The following DPP8 variants were observed in gnomAD, a reference collection of about 807,000 sequenced individuals.
The protein encoded by DPP8 is dipeptidyl peptidase 8.
Under a neutral mutation model 107.5 loss-of-function variants are expected in DPP8, and 31 were observed. The observed-to-expected ratio is 0.29, with a 90% CI of 0.22 to 0.39. The LOEUF is 0.39. Among genes scored for constraint, DPP8 ranks in the 10% least tolerant of loss-of-function variants. The pLI is 1.00. For missense variants in DPP8, 842 were observed against 1,076.1 expected (o/e 0.78, Z 3.04); for synonymous variants, 381 against 356.6 (o/e 1.07, Z -0.77).
At position 65,451,121 on chromosome 15, in the gene DPP8, G is replaced by A; in HGVS notation, c.2415-11C>T. On this transcript the variant is annotated splice_polypyrimidine_tract_variant and intron_variant, in intron 18 of 19. Transcript: ENST00000300141. Reference sequence around the variant, plus strand: ...AGTAAACGATTTGGTCTGGAGAAATGGAAATATTAGAGGATTAGGCAAAAT... The same window carrying A: ...AGTAAACGATTTGGTCTGGAGAAATAGAAATATTAGAGGATTAGGCAAAAT... 1.3e-6 allele frequency: 2 copies of A among 1,546,168 alleles called. No individual in the cohort carries two copies. The highest frequency in any genetic ancestry group is 1.8e-6 in the Non-Finnish European group (2 of 1,120,354).
At chr15:65,476,038 C>T (rs1015283609) in intron 11 of DPP8, among the ~76,000 whole-genome samples, 4 of 152,216 alleles carry the variant, frequency 2.6e-5, no homozygotes, top group Non-Finnish European at 5.9e-5. Context: ...AGGCGTGGGC[C>T]ACCTCACCCA....
chr15:65,502,162 TACAGGTGTGAGCC>T (rs555431758), intron 3 of DPP8, among the ~76,000 whole-genome samples: 50 of 152,310 alleles, frequency 3.3e-4, no homozygotes, highest in African/African-American at 1.2e-3. Context: ...GCATTGGGAT[TACAGGTGTGAGCC>T]ACCAAGCCTG....
At position 65,446,842 on chromosome 15, in the gene DPP8, T is replaced by G; in HGVS notation, c.*42A>C. ...TGTTGATTAAACCTCCTCATTTGGT[T>G]AAATAGCCAGTGTATACCAGAGAGT... On this transcript the variant is annotated 3_prime_UTR_variant, in exon 20 of 20. Transcript: ENST00000300141. The G allele has an allele frequency of 6.5e-7, 1 of 1,550,290 alleles. No homozygotes were observed.
rs2070149933 is a variant in DPP8 at position 65,507,233 on chromosome 15, T to C, written c.372+10A>G. The C allele has an allele frequency of 6.6e-7, 1 of 1,519,936 alleles. No individual in the cohort carries two copies. Among genetic ancestry groups the C allele is most frequent in the Non-Finnish European group, 9.1e-7 (1 of 1,100,694 alleles). The allele number at this position is 1,519,936 out of a possible 1,614,324, so 94.2% of individuals were successfully genotyped here. ...CACCAAATCATAGGAATAACAACATTTAATCCTACCTGAAAAAGATCCAAA... is the reference window on the plus strand; with the variant it reads ...CACCAAATCATAGGAATAACAACATCTAATCCTACCTGAAAAAGATCCAAA... On this transcript the variant is annotated intron_variant, in intron 3 of 19. Coordinates refer to ENST00000300141, the MANE Select transcript of DPP8 (RefSeq NM_130434.5).
intron 5 of DPP8, among the ~76,000 whole-genome samples, chr15:65,497,454 A>C (rs2068725733): frequency 6.6e-6 from 1 of 151,810 alleles, no homozygotes; most frequent in African/African-American, 2.4e-5. Context: ...AGGTGTCACC[A>C]TGTTGCCCAT....
intron 10 of DPP8, among the ~76,000 whole-genome samples, chr15:65,479,646 C>T (rs955640288): frequency 5.9e-5 from 9 of 151,614 alleles, no homozygotes; most frequent in Non-Finnish European, 8.8e-5. Context: ...AGATCGAGAC[C>T]ATCCTGGCTA....
intron 10 of DPP8, among the ~76,000 whole-genome samples, chr15:65,479,824 C>T (rs899846152): frequency 1.5e-5 from 2 of 134,444 alleles, no homozygotes; most frequent in African/African-American, 2.9e-5. Flanking sequence ...ACAGTCTGGC[C>T]TGGGCGACAG....
At chr15:65,455,950 G>A in intron 16 of DPP8, 2 of 988,140 alleles carry the variant, frequency 2.0e-6, no homozygotes, top group Non-Finnish European at 2.8e-6. Flanking sequence ...ACAGGATGCT[G>A]AAAGCTAAAT....
intron 1 of DPP8, chr15:65,515,912 C>T (rs1596180258): frequency 3.7e-6 from 2 of 537,170 alleles, no homozygotes; most frequent in East Asian, 3.0e-5. Flanking sequence ...CTTTTTGGGG[C>T]AATATATAAT....
At chr15:65,511,517 G>C (rs569659564) in intron 2 of DPP8, among the ~76,000 whole-genome samples, 1 of 151,650 alleles carries the variant, frequency 6.6e-6, no homozygotes, top group African/African-American at 2.4e-5. Flanking sequence ...TTAGCTGGCT[G>C]TGGTGGCGTG....
At chr15:65,503,543 C>T (rs144057624) in intron 3 of DPP8, among the ~76,000 whole-genome samples, 7 of 152,006 alleles carry the variant, frequency 4.6e-5, no homozygotes, top group Admixed American at 2.6e-4. Context: ...CTGGCTCATG[C>T]GATTCTCCTG....
At chr15:65,500,842 T>G in intron 3 of DPP8, 63 bp from the exon 4 acceptor site, 1 of 1,209,750 alleles carries the variant, frequency 8.3e-7, no homozygotes, top group South Asian at 1.4e-5. Flanking sequence ...CTTTTAGCAC[T>G]GAAATCCTAG....
In DPP8 at chr15:65,446,865, A is replaced by C. The variant is rs200136339; in HGVS notation, c.*19T>G. ...GTTAAATAGCCAGTGTATACCAGAG[A>C]GTTCTACACAGGTCAAAATTATATC... On this transcript the variant is annotated 3_prime_UTR_variant, in exon 20 of 20. Transcript: ENST00000300141. 1 of 1,596,258 alleles carries C rather than the reference A, an allele frequency of 6.3e-7. No homozygotes were observed. The highest frequency in any genetic ancestry group is 2.2e-5 in the East Asian group (1 of 44,446).
intron 1 of DPP8, chr15:65,517,202 G>A (rs952422647): frequency 2.6e-5 from 4 of 152,254 alleles, no homozygotes; most frequent in African/African-American, 7.2e-5. Context: ...TTAAGATAAC[G>A]GACGTGGAAG....
intron 14 of DPP8, among the ~76,000 whole-genome samples, chr15:65,466,217 C>T (rs1474183121): frequency 1.3e-5 from 2 of 152,190 alleles, no homozygotes; most frequent in East Asian, 3.8e-4. Flanking sequence ...TAGTTCATTG[C>T]AACCTCCGCC....
In DPP8 at chr15:65,454,325, C is replaced by T. The variant is rs756942052; in HGVS notation, c.2209G>A (p.Gly737Ser). The T allele has an allele frequency of 1.2e-6, 2 of 1,603,692 alleles. No individual in the cohort carries two copies. The highest frequency in any genetic ancestry group is 1.7e-6 in the Non-Finnish European group (2 of 1,176,404). ...GAGAGGTATCCTCCATAGGACCAGC[C>T]GTGGATGCCCACACGATCTAAGTCA... Reference protein sequence around the residue: ...FIDLDRVGIHGWSYGGYLSLM... With the variant: ...FIDLDRVGIHSWSYGGYLSLM... Residue 737 changes from glycine (G) to serine (S), a missense_variant, in exon 17 of 20, where the codon GGC becomes AGC. Gly to Ser is a moderately conservative substitution (Grantham distance 56). Around this residue, in one of 2 missense-constraint regions of DPP8, gnomAD observed 179 missense variants for 318.0 expected, o/e 0.56. Coordinates refer to ENST00000300141, the MANE Select transcript of DPP8 (RefSeq NM_130434.5).
intron 8 of DPP8, among the ~76,000 whole-genome samples, chr15:65,484,392 T>C (rs75873144): frequency 0.014 from 2,071 of 148,016 alleles, 26 homozygotes; most frequent in Non-Finnish European, 0.021. Flanking sequence ...GGCTCAGGAG[T>C]ATAGGGTATC....
chr15:65,459,209 C>T (rs897345004), intron 15 of DPP8, among the ~76,000 whole-genome samples: 13 of 151,726 alleles, frequency 8.6e-5, no homozygotes, highest in African/African-American at 3.1e-4. Flanking sequence ...CATGGTCTCA[C>T]TCTCTTGTCC....
chr15:65,507,151 C>T lies in DPP8; in HGVS notation c.372+92G>A, dbSNP rs530803348. 1.7e-5 allele frequency: 11 copies of T among 632,878 alleles called. No individual in the cohort carries two copies. In the East Asian group the frequency reaches 1.8e-4, roughly 10 times the overall value. 39.2% of individuals were successfully genotyped at this position (632,878 alleles called of 1,614,324 possible). On this transcript the variant is annotated intron_variant, in intron 3 of 19. Transcript: ENST00000300141. ...AAAACATCTTAATTTTTTTTATTTA[C>T]ATCTACTTCAAATATAAAATCCCAA...
Sources: gnomAD v4.1 joint callset for allele counts (sites outside exome capture counted in the v4.1 genomes callset) on GRCh38, gnomAD v4.1.1 for gene constraint, gnomAD v4.1.1 regional missense constraint, MANE v1.5 for transcripts, NCBI Gene and HGNC (gene_info 2026-07-23, HGNC 2026-07-21) for gene names.